Variants in PKN3 observed in about 807,000 individuals in gnomAD.
PKN3 encodes the protein protein kinase N3, also known as serine/threonine-protein kinase N3.
Under a neutral mutation model 113.1 loss-of-function variants are expected in PKN3, and 91 were observed. The ratio of observed to expected loss-of-function variants is 0.80; its 90% CI spans 0.68 to 0.96. The LOEUF is 0.96. Ranked by LOEUF, PKN3 falls within the 40% of genes least tolerant of loss-of-function variation. PKN3 has a pLI of 0.00. For missense variants in PKN3, 1,052 were observed against 1,202.2 expected, an observed-to-expected ratio of 0.88 and a Z score of 1.85; for synonymous variants, 467 against 499.0, an observed-to-expected ratio of 0.94 and a Z score of 0.85.
chr9:128,719,626 A>G (rs1332466499), intron 18 of PKN3, 60 bp from the exon 19 acceptor site: 1 of 1,483,904 alleles, frequency 6.7e-7, no homozygotes, highest in South Asian at 1.4e-5. Context: ...AGGCTTGGCT[A>G]TTGAAGTTAT....
rs1251311511 is a variant in PKN3, at chr9:128,720,601, C to T, written c.2665C>T (p.Pro889Ser). 1.2e-6 allele frequency: 2 copies of T among 1,612,544 alleles called. No individual in the cohort carries two copies. The highest frequency in any genetic ancestry group is 1.7e-6 in the Non-Finnish European group (2 of 1,179,608). ...FDFVSERFLE[P>S] ...CTTTGTGTCAGAGCGATTCCTGGAA[C>T]CCTGAGGGCATCTCCTGGCACCTCT... is the stretch of plus-strand genomic sequence containing the variant. Residue 889 changes from proline to serine, a missense_variant, in exon 22 of 22, where the codon CCC becomes TCC. Coordinates refer to ENST00000291906, the MANE Select transcript of PKN3 (RefSeq NM_013355.5). This position sits in a 1 kb window ranked among gnomAD's most constrained non-coding sequence, Gnocchi z 5.5.
chr9:128,711,992 C>T (rs1310121401), intron 6 of PKN3, among the ~76,000 whole-genome samples: 1 of 152,052 alleles, frequency 6.6e-6, no homozygotes, highest in Admixed American at 6.6e-5. Flanking sequence ...TCACTGCAAC[C>T]TCTGCCTCCC....
At chr9:128,717,205 C>T (rs1284598250) in intron 16 of PKN3, among the ~76,000 whole-genome samples, 2 of 134,494 alleles carry the variant, frequency 1.5e-5, no homozygotes, top group South Asian at 2.5e-4. Flanking sequence ...CTCGGCTCAC[C>T]ACAACCTCCG....
Position 128,715,256 on chromosome 9 carries a change from G to C in PKN3, c.1716+21G>C, listed in dbSNP as rs1862305546. 2 of 1,613,298 alleles carry C rather than the reference G, an allele frequency of 1.2e-6. No homozygotes were observed. The highest frequency in any genetic ancestry group is 1.7e-6 in the Non-Finnish European group (2 of 1,179,288). On this transcript the variant is annotated intron_variant, in intron 14 of 21. Transcript: ENST00000291906. The surrounding 1 kb of genome is among the most constrained non-coding windows in gnomAD (Gnocchi z 4.1). ...GGAAGGTAGTGGGCTGAAGAGGGTG[G>C]TATGGGACGGGATTGGGGGCCTCAT...
Position 128,713,332 on chromosome 9 carries a change from G to A in PKN3, c.1037G>A (p.Trp346Ter). The A allele has an allele frequency of 6.2e-7, 1 of 1,614,102 alleles. No homozygotes were observed. Among genetic ancestry groups the A allele is most frequent in the Non-Finnish European group, 8.5e-7 (1 of 1,180,018 alleles). ...VDNRVVGQTG[W>*]GQVAEQSWDQ... ...AACCGTGTTGTGGGGCAGACGGGCT[G>A]GGGGCAGGTGGCCGAACAGTCCTGG... is the stretch of plus-strand genomic sequence containing the variant. The change falls in exon 8 of 22, where the codon TGG becomes TAG. Residue 346 changes from tryptophan to a stop codon, truncating the protein, a stop_gained. Transcript: ENST00000291906. LOFTEE classifies it high-confidence loss of function.
rs1449105390 is a variant in PKN3, at chr9:128,713,279, C to T, written c.984C>T (p.Ser328=). The T allele has an allele frequency of 5.6e-6, 9 of 1,613,766 alleles. No individual in the cohort carries two copies. Among genetic ancestry groups the T allele is most frequent in the Middle Eastern group, 1.7e-4 (1 of 6,060 alleles). Reference sequence around the variant, plus strand: ...TGAGTCCCGGCTCTGGCCCTGCAGGCGAGGTGCTGGCTGTGCTAAAGGTGG... The same window carrying T: ...TGAGTCCCGGCTCTGGCCCTGCAGGTGAGGTGCTGGCTGTGCTAAAGGTGG... The part of the protein sequence containing the change: ...KHQRGRGELA[S]EVLAVLKVDN... The change falls in exon 8 of 22, where the codon AGC becomes AGT. Residue 328 remains serine, a splice_region_variant and synonymous_variant. Transcript: ENST00000291906.
chr9:128,704,271 C>T (rs1019967431), intron 1 of PKN3: 18 of 500,982 alleles, frequency 3.6e-5, no homozygotes, highest in African/African-American at 3.5e-4. Context: ...CTGGGTGAAG[C>T]CGTGAGAGAG....
chr9:128,714,738 G>A (rs1014511007), intron 12 of PKN3, 60 bp from the exon 13 acceptor site: 1 of 1,536,658 alleles, frequency 6.5e-7, no homozygotes, highest in Admixed American at 1.7e-5. Flanking sequence ...TGGGGTGGCA[G>A]GCCTGAAGGG....
chr9:128,709,564 A>C (rs10819431), intron 6 of PKN3, among the ~76,000 whole-genome samples: 149,864 of 151,708 alleles, frequency 0.99, 74,050 homozygotes, highest in Middle Eastern at 1. Flanking sequence ...GCAGCCTGAC[A>C]AAAATGGAGA....
At position 128,719,820 on chromosome 9, in the gene PKN3, G is replaced by A. The variant is rs1862470855; in HGVS notation, c.2260G>A (p.Val754Met). Residue 754 changes from valine (V) to methionine (M), a missense_variant, in exon 19 of 22, where the codon GTG becomes ATG. Physicochemically the swap from Val to Met is conservative, Grantham distance 21. Around this residue, in one of 2 missense-constraint regions of PKN3, gnomAD observed 333 missense variants for 442.8 expected, o/e 0.75. Coordinates refer to ENST00000291906, the MANE Select transcript of PKN3 (RefSeq NM_013355.5). ...GGGTGTGCTGCTCTACGAGATGCTG[G>A]TGGGTGAGGTGAGTGCTGGAGCCTG... ...GLGVLLYEML[V>M]GECPFPGDTE... The A allele has an allele frequency of 1.2e-6, 2 of 1,608,484 alleles. No homozygotes were observed. The highest frequency in any genetic ancestry group is 1.1e-5 in the South Asian group (1 of 90,436).
At chr9:128,713,222 G>A (rs1398471666) in intron 7 of PKN3, 24 bp downstream of exon 7, 3 of 1,609,672 alleles carry the variant, frequency 1.9e-6, no homozygotes, top group Non-Finnish European at 1.7e-6. Context: ...GAGCTTCAGG[G>A]GGAGCAGGAG....
At chr9:128,713,922 G>A in intron 9 of PKN3, 124 bp from the exon 10 acceptor site, 1 of 961,900 alleles carries the variant, frequency 1.0e-6, no homozygotes, top group South Asian at 1.4e-5. Flanking sequence ...TGTTTCTCTG[G>A]GTCTTTCTGG....
chr9:128,706,904 C>T lies in PKN3; in HGVS notation c.532C>T (p.Leu178=), dbSNP rs1409270675. The T allele has an allele frequency of 1.2e-6, 2 of 1,614,146 alleles. No individual in the cohort carries two copies. Among genetic ancestry groups the T allele is most frequent in the Admixed American group, 1.7e-5 (1 of 60,020 alleles). ...CGCCGTCCTTCCCACAGGGCCTGAG[C>T]TGCTGGCGGAGGAGCTACAGCATCG... The part of the protein sequence containing the change: ...ASGSPEPGPE[L]LAEELQHRLH... Residue 178 remains leucine (L), a synonymous_variant, in exon 5 of 22, where the codon CTG becomes TTG. Coordinates refer to ENST00000291906, the MANE Select transcript of PKN3 (RefSeq NM_013355.5).
In PKN3 at chr9:128,713,071, C is replaced by A; in HGVS notation, c.855C>A (p.Leu285=). The change falls in exon 7 of 22, where the codon CTC becomes CTA. Residue 285 remains leucine, a synonymous_variant. Coordinates refer to ENST00000291906, the MANE Select transcript of PKN3 (RefSeq NM_013355.5). ...TALTGTLQVR[L]LGCEQLLTAV... is the part of the protein sequence containing the mutation. ...CCACAGGGACACTGCAGGTCCGCCTCCTGGGCTGTGAACAGTTGCTGACAG... is the reference window on the plus strand; with the variant it reads ...CCACAGGGACACTGCAGGTCCGCCTACTGGGCTGTGAACAGTTGCTGACAG... 1 of 1,610,256 alleles carries A rather than the reference C, an allele frequency of 6.2e-7. No homozygotes were observed. The highest frequency in any genetic ancestry group is 8.5e-7 in the Non-Finnish European group (1 of 1,177,948).
rs568435378 is a variant in PKN3, at chr9:128,705,673, G to C, written c.266-61G>C. 8.1e-4 allele frequency: 1,250 copies of C among 1,542,698 alleles called. 3 individuals carry two copies. Among genetic ancestry groups the C allele is most frequent in the Non-Finnish European group, 1.1e-3 (1,215 of 1,141,320 alleles). On this transcript the variant is annotated intron_variant, in intron 2 of 21. Coordinates refer to ENST00000291906, the MANE Select transcript of PKN3 (RefSeq NM_013355.5). ...TAGATCAGTAGGGGAAGGAGGAAAG[G>C]CCACAGTGGGGGTCTCGGCTCTGGG...
chr9:128,713,684 G>C (rs758108836), intron 9 of PKN3, 42 bp downstream of exon 9: 80 of 1,604,070 alleles, frequency 5.0e-5, no homozygotes, highest in Non-Finnish European at 6.6e-5. Context: ...GGACCCTGGG[G>C]CGTCAGGGCC....
rs1399044549 is a variant in PKN3 at position 128,720,674 on chromosome 9, C to T, written c.*68C>T. On this transcript the variant is annotated 3_prime_UTR_variant, in exon 22 of 22. Coordinates refer to ENST00000291906, the MANE Select transcript of PKN3 (RefSeq NM_013355.5). The surrounding 1 kb of genome is among the most constrained non-coding windows in gnomAD (Gnocchi z 5.5). ...TAGAGCCTCTGCTCGTTCACCCGTGCGCCCTGCCTGGAGGTCCAGGCCTTG... is the reference window on the plus strand; with the variant it reads ...TAGAGCCTCTGCTCGTTCACCCGTGTGCCCTGCCTGGAGGTCCAGGCCTTG... 1.1e-5 allele frequency: 16 copies of T among 1,394,316 alleles called. No individual in the cohort carries two copies. Among genetic ancestry groups the T allele is most frequent in the South Asian group, 5.0e-5 (4 of 79,382 alleles). The allele number at this position is 1,394,316 out of a possible 1,614,324, so 86.4% of individuals were successfully genotyped here. A position where few individuals can be genotyped will look rare whatever the true frequency, so the allele number is the denominator to read the frequency against.
At chr9:128,705,153 C>A in intron 1 of PKN3, 150 bp from the exon 2 acceptor site, 3 of 987,704 alleles carry the variant, frequency 3.0e-6, no homozygotes, top group Non-Finnish European at 4.5e-6. Flanking sequence ...CAGGCCTGAG[C>A]TCTAAGGGGA....
At chr9:128,717,016 C>T in intron 16 of PKN3, 93 bp downstream of exon 16, 1 of 1,045,376 alleles carries the variant, frequency 9.6e-7, no homozygotes, top group Non-Finnish European at 1.4e-6. Context: ...AAGTGCCCAA[C>T]AGCAGGGGAG....
Sources: gnomAD v4.1 joint callset for allele counts (sites outside exome capture counted in the v4.1 genomes callset) on GRCh38, gnomAD v4.1.1 for gene constraint, gnomAD v4.1.1 regional missense constraint, Gnocchi (gnomAD v3.1) non-coding constraint, MANE v1.5 for transcripts, NCBI Gene and HGNC (gene_info 2026-07-23, HGNC 2026-07-21) for gene names.